Variants in ESRRB observed in about 807,000 individuals in gnomAD.
ESRRB encodes steroid hormone receptor ERR2.
In ESRRB, 16 loss-of-function variants were observed where a neutral mutation model predicts 46.0. The ratio of observed to expected loss-of-function variants is 0.35; its 90% confidence interval spans 0.24 to 0.53. The LOEUF (loss-of-function observed/expected upper bound fraction) is 0.53, where lower values mean the gene tolerates loss of function less well. ESRRB is among the 20% of genes least tolerant of loss of function. The probability of loss-of-function intolerance (pLI) is 0.93; values close to 1 mark genes in which losing one functional copy is unlikely to be tolerated. For synonymous variants in ESRRB, 246 were observed against 259.6 expected (o/e 0.95, Z 0.50); for missense variants, 488 against 607.4 (o/e 0.80, Z 2.07).
At chr14:76,464,272 G>A (rs1379234252) in intron 3 of ESRRB, among the ~76,000 whole-genome samples, 1 of 152,194 alleles carries the variant, frequency 6.6e-6, no homozygotes, top group Non-Finnish European at 1.5e-5. Context: ...GTGGGCTTCT[G>A]GAAGCCCAGC....
chr14:76,437,640 C>T (rs1344350406), intron 1 of ESRRB, among the ~76,000 whole-genome samples: 2 of 152,174 alleles, frequency 1.3e-5, no homozygotes, highest in Admixed American at 1.3e-4. Context: ...GGGGGAGGCT[C>T]AGGGAGTGAG....
intron 1 of ESRRB, among the ~76,000 whole-genome samples, chr14:76,422,182 G>A (rs1051319691): frequency 9.4e-5 from 14 of 149,204 alleles, no homozygotes; most frequent in Admixed American, 2.0e-4. Flanking sequence ...GCACGCACAC[G>A]CACAGCCCTT....
chr14:76,376,592 A>G lies in ESRRB; in HGVS notation c.50+141A>G, dbSNP rs1022777339. 3.8e-6 allele frequency: 2 copies of G among 523,086 alleles called. No homozygotes were observed. The highest frequency in any genetic ancestry group is 5.9e-6 in the Non-Finnish European group (2 of 340,698). 32.4% of individuals were successfully genotyped at this position (523,086 alleles called of 1,614,324 possible). On this transcript the variant is annotated intron_variant, in intron 1 of 6. Coordinates refer to ENST00000644823, the MANE Select transcript of ESRRB (RefSeq NM_001379180.1). This position sits in a 1 kb window ranked among gnomAD's most constrained non-coding sequence, Gnocchi z 4.1. ...GGGCACTTGGGGGACGAAGGAGGGG[A>G]AAAGCCGCACACTTCTGGGTTTCTT...
At chr14:76,435,316 A>G (rs895904944) in intron 1 of ESRRB, among the ~76,000 whole-genome samples, 1 of 152,276 alleles carries the variant, frequency 6.6e-6, no homozygotes, top group Non-Finnish European at 1.5e-5. Flanking sequence ...GCACCGCAGC[A>G]GTGCCCCCAT....
chr14:76,463,935 T>C (rs1281628506), intron 3 of ESRRB, among the ~76,000 whole-genome samples: 3 of 152,034 alleles, frequency 2.0e-5, no homozygotes, highest in Non-Finnish European at 4.4e-5. Context: ...ACTCCTGGGC[T>C]CAGGCAGTCC....
At chr14:76,397,245 G>A (rs186657690) in intron 1 of ESRRB, among the ~76,000 whole-genome samples, 1 of 152,198 alleles carries the variant, frequency 6.6e-6, no homozygotes, top group African/African-American at 2.4e-5. Flanking sequence ...TGTGGGGCCT[G>A]AGCCCCCCAT....
intron 1 of ESRRB, among the ~76,000 whole-genome samples, chr14:76,330,965 A>T (rs1278655979): frequency 6.6e-6 from 1 of 152,128 alleles, no homozygotes; most frequent in African/African-American, 2.4e-5. Flanking sequence ...CAGCCTGCAG[A>T]TGGCATTGCC....
At chr14:76,469,342 G>A (rs1317584528) in intron 3 of ESRRB, among the ~76,000 whole-genome samples, 1 of 151,918 alleles carries the variant, frequency 6.6e-6, no homozygotes, top group East Asian at 1.9e-4. Context: ...TGATCTGCCC[G>A]CCTCAGCCTC....
At chr14:76,474,268 T>A (rs991065493) in intron 3 of ESRRB, among the ~76,000 whole-genome samples, 2 of 152,236 alleles carry the variant, frequency 1.3e-5, no homozygotes, top group South Asian at 4.1e-4. Context: ...AACAGGCAGA[T>A]GAAAGGCAAG....
At chr14:76,370,690 T>C (rs1884601479), upstream of ESRRB, among the ~76,000 whole-genome samples, 2 of 152,168 alleles carry the variant, frequency 1.3e-5, no homozygotes, top group African/African-American at 4.8e-5. Context: ...CCTTAGAAAT[T>C]TGGCAAGGGA....
intron 1 of ESRRB, among the ~76,000 whole-genome samples, chr14:76,419,623 A>T (rs1886854874): frequency 6.6e-6 from 1 of 152,160 alleles, no homozygotes; most frequent in Non-Finnish European, 1.5e-5. Context: ...GGGGCTGTGA[A>T]ATGCCAGAGT....
intron 1 of ESRRB, among the ~76,000 whole-genome samples, chr14:76,326,734 T>A (rs988691189): frequency 6.6e-6 from 1 of 152,230 alleles, no homozygotes; most frequent in African/African-American, 2.4e-5. Context: ...CACGACTCCC[T>A]CCTCCTCTCC....
chr14:76,484,644 G>T (rs1566612061), intron 5 of ESRRB, among the ~76,000 whole-genome samples: 1 of 152,156 alleles, frequency 6.6e-6, no homozygotes, highest in Non-Finnish European at 1.5e-5. Flanking sequence ...AAGTAGATAA[G>T]ACCAGGAGAC....
At chr14:76,359,874 A>G (rs1039123959) in intron 1 of ESRRB, among the ~76,000 whole-genome samples, 6 of 152,190 alleles carry the variant, frequency 3.9e-5, no homozygotes, top group African/African-American at 1.4e-4. Context: ...TGGGAGTGAA[A>G]GAAAAGCAAC....
chr14:76,326,020 T>C (rs1883925637), intron 1 of ESRRB, among the ~76,000 whole-genome samples: 1 of 152,178 alleles, frequency 6.6e-6, no homozygotes, highest in Non-Finnish European at 1.5e-5. Context: ...TCCCTAGTGA[T>C]ATAAAGGCTA....
In ESRRB at chr14:76,383,013, A is replaced by C. The variant is rs577569515; in HGVS notation, c.50+6562A>C. Among the ~76,000 whole-genome samples the C allele has an allele frequency of 3.3e-5, 5 of 152,338 alleles. No individual in the cohort carries two copies. The South Asian group carries it at 1.0e-3, about 32-fold the overall frequency. On this transcript the variant is annotated intron_variant, in intron 1 of 6. Coordinates refer to ENST00000644823, the MANE Select transcript of ESRRB (RefSeq NM_001379180.1). ...GTCAGAAGGCAGTTAAACAAACTCC[A>C]ACAAGCCTTTGTTTTTATCTTCTGA...
In ESRRB at chr14:76,493,163, A is replaced by T. The variant is rs539387733; in HGVS notation, c.1120+1447A>T. Among the ~76,000 whole-genome samples the T allele has an allele frequency of 4.9e-3, 742 of 150,880 alleles. 1 individual carries two copies. Among genetic ancestry groups the T allele is most frequent in the African/African-American group, 0.016 (639 of 41,048 alleles). On this transcript the variant is annotated intron_variant, in intron 6 of 6. Coordinates refer to ENST00000644823, the MANE Select transcript of ESRRB (RefSeq NM_001379180.1). Reference sequence around the variant, plus strand: ...TCTTCCAAGCACTTTATTTTATTTTATTTTTTTTTGAGACAGAGTCTCACT... The same window carrying T: ...TCTTCCAAGCACTTTATTTTATTTTTTTTTTTTTTGAGACAGAGTCTCACT...
At chr14:76,425,107 G>A (rs750176000) in intron 1 of ESRRB, among the ~76,000 whole-genome samples, 8 of 152,098 alleles carry the variant, frequency 5.3e-5, no homozygotes, top group Non-Finnish European at 1.0e-4. Flanking sequence ...GAAGTGCAGG[G>A]GATGTTGACC....
chr14:76,476,873 G>C (rs1889605423), intron 3 of ESRRB, among the ~76,000 whole-genome samples: 1 of 152,226 alleles, frequency 6.6e-6, no homozygotes, highest in Non-Finnish European at 1.5e-5. Context: ...GAGCTGCACT[G>C]AACATGGCTG....
Sources: allele counts gnomAD v4.1 joint callset (sites outside exome capture counted in the v4.1 genomes callset), GRCh38; gene constraint gnomAD v4.1.1; non-coding constraint Gnocchi (gnomAD v3.1); transcripts MANE v1.5; gene names NCBI Gene and HGNC (gene_info 2026-07-23, HGNC 2026-07-21).